RASEF: variants seen among roughly 807,000 people sequenced by gnomAD.
RASEF encodes the protein ras and EF-hand domain-containing protein.
In RASEF, 68 loss-of-function variants were observed where a neutral mutation model predicts 90.1. The ratio of observed to expected loss-of-function variants is 0.75; its 90% confidence interval spans 0.62 to 0.92. The LOEUF (loss-of-function observed/expected upper bound fraction) is 0.92, where lower values mean the gene tolerates loss of function less well. RASEF is among the 40% of genes least tolerant of loss of function. The probability of loss-of-function intolerance (pLI) is 0.00; values close to 1 mark genes in which losing one functional copy is unlikely to be tolerated. For missense variants in RASEF, 949 were observed against 937.2 expected, an observed-to-expected ratio of 1.01 and a Z score of -0.16; for synonymous variants, 331 against 345.2, an observed-to-expected ratio of 0.96 and a Z score of 0.46.
chr9:83,098,858 C>T, the RASEF span, among the ~76,000 whole-genome samples: 5 of 152,196 alleles, frequency 3.3e-5, no homozygotes, highest in Admixed American at 1.3e-4. Context: ...CATCTGGCCC[C>T]ACCCTTAACA....
In RASEF at chr9:83,025,138, T is replaced by C. The variant is rs141031862; in HGVS notation, c.578+637A>G. ...CATAGCTGTTAACACCAAAAAGATA[T>C]CCTATGTAAGCTAGCTATGGCTTAA... On this transcript the variant is annotated intron_variant, in intron 2 of 16. Coordinates refer to ENST00000376447, the MANE Select transcript of RASEF (RefSeq NM_152573.4). Among the ~76,000 whole-genome samples the C allele has an allele frequency of 1.4e-3, 214 of 152,292 alleles. 1 individual carries two copies. Among genetic ancestry groups the C allele is most frequent in the African/African-American group, 5.0e-3 (208 of 41,538 alleles).
the RASEF span, among the ~76,000 whole-genome samples, chr9:83,198,896 A>G: frequency 4.6e-5 from 7 of 152,314 alleles, no homozygotes; most frequent in Non-Finnish European, 8.8e-5. Flanking sequence ...ATAGAAAGAA[A>G]TACAAATCTT....
Position 83,022,517 on chromosome 9 carries a change from A to C in RASEF, c.579-91T>G, listed in dbSNP as rs987514207. The C allele has an allele frequency of 4.5e-6, 4 of 879,480 alleles. No homozygotes were observed. The African/African-American group carries it at 6.6e-5, about 15-fold the overall frequency. 54.5% of individuals were successfully genotyped at this position (879,480 alleles called of 1,614,324 possible). On this transcript the variant is annotated intron_variant, in intron 2 of 16. Coordinates refer to ENST00000376447, the MANE Select transcript of RASEF (RefSeq NM_152573.4). Reference sequence around the variant, plus strand: ...CAGATTCATCTACGTTAAGCCCTATATATTACAGATGAAGAGAAACACCCC... The same window carrying C: ...CAGATTCATCTACGTTAAGCCCTATCTATTACAGATGAAGAGAAACACCCC...
chr9:82,989,900 A>G (rs978209295), intron 16 of RASEF, among the ~76,000 whole-genome samples: 1 of 152,192 alleles, frequency 6.6e-6, no homozygotes, highest in Non-Finnish European at 1.5e-5. Flanking sequence ...TAATGATGCC[A>G]TTTTCATTCT....
At chr9:83,174,458 A>AT in the RASEF span, among the ~76,000 whole-genome samples, 27 of 152,294 alleles carry the variant, frequency 1.8e-4, no homozygotes, top group African/African-American at 6.0e-4. Flanking sequence ...TAATATAAAT[A>AT]TAATGGCTTA....
the RASEF span, among the ~76,000 whole-genome samples, chr9:83,121,091 T>C: frequency 6.6e-6 from 1 of 152,196 alleles, no homozygotes; most frequent in Admixed American, 6.5e-5. Flanking sequence ...ATTATATAAT[T>C]TGTAGTTATT....
chr9:83,211,299 C>A, the RASEF span, among the ~76,000 whole-genome samples: 10 of 151,840 alleles, frequency 6.6e-5, no homozygotes, highest in Non-Finnish European at 1.5e-4. Flanking sequence ...ATTTTTAGAG[C>A]ACCAATAACA....
At chr9:83,169,061 T>C in the RASEF span, among the ~76,000 whole-genome samples, 3 of 150,954 alleles carry the variant, frequency 2.0e-5, no homozygotes, top group African/African-American at 7.3e-5. Context: ...ATTTTTTTTT[T>C]AGCTCCTATG....
the RASEF span, among the ~76,000 whole-genome samples, chr9:83,128,025 C>CTTTTTTTTTTTTTT: frequency 2.2e-5 from 3 of 134,724 alleles, no homozygotes; most frequent in Non-Finnish European, 3.1e-5. Context: ...TTTTTCTTTT[C>CTTTTTTTTTTTTTT]TTTTTTTTTT....
chr9:83,042,025 G>T (rs1418092651), intron 1 of RASEF, among the ~76,000 whole-genome samples: 1 of 152,118 alleles, frequency 6.6e-6, no homozygotes, highest in African/African-American at 2.4e-5. Flanking sequence ...ATAAGGAAAA[G>T]CAATTTCAGT....
the RASEF span, among the ~76,000 whole-genome samples, chr9:83,162,711 G>A: frequency 2.0e-5 from 3 of 152,200 alleles, no homozygotes; most frequent in Admixed American, 2.0e-4. Flanking sequence ...AGAGAGGCAA[G>A]TATAGAGAGT....
chr9:82,991,617 T>C (rs1234451988), intron 15 of RASEF, among the ~76,000 whole-genome samples: 2 of 152,126 alleles, frequency 1.3e-5, no homozygotes, highest in African/African-American at 4.8e-5. Context: ...CACAAATCCA[T>C]AGAAAATCTG....
At chr9:83,217,871 T>C in the RASEF span, among the ~76,000 whole-genome samples, 3 of 152,192 alleles carry the variant, frequency 2.0e-5, no homozygotes, top group Non-Finnish European at 2.9e-5. Context: ...ATCTTAGGTG[T>C]CTGGTCCAGA....
chr9:83,133,197 C>A, the RASEF span, among the ~76,000 whole-genome samples: 27 of 152,268 alleles, frequency 1.8e-4, no homozygotes, highest in African/African-American at 6.5e-4. Context: ...AACTCCACTC[C>A]AGTGTAGCAT....
rs551065398 is a variant in RASEF, at chr9:82,999,821, C to T, written c.1723+348G>A. Among the ~76,000 whole-genome samples the T allele has an allele frequency of 3.9e-5, 6 of 152,166 alleles. No individual in the cohort carries two copies. The South Asian group carries it at 1.2e-3, about 32-fold the overall frequency. On this transcript the variant is annotated intron_variant, in intron 12 of 16. Transcript: ENST00000376447. Reference sequence around the variant, plus strand: ...GTTTCGCCATGTTGGCCAGGCTGGTCTTGAACTCCTGACCTCAAGTGATCT... The same window carrying T: ...GTTTCGCCATGTTGGCCAGGCTGGTTTTGAACTCCTGACCTCAAGTGATCT...
chr9:83,168,290 T>C, the RASEF span, among the ~76,000 whole-genome samples: 1 of 152,324 alleles, frequency 6.6e-6, no homozygotes, highest in South Asian at 2.1e-4. Flanking sequence ...TTATTGGCCA[T>C]TTGTGTGTCT....
chr9:83,111,507 C>CA, the RASEF span, among the ~76,000 whole-genome samples: 32 of 152,004 alleles, frequency 2.1e-4, no homozygotes, highest in African/African-American at 7.0e-4. Flanking sequence ...ATTCTCATCA[C>CA]AAAAAAACAA....
chr9:83,181,410 T>C, the RASEF span, among the ~76,000 whole-genome samples: 1 of 152,128 alleles, frequency 6.6e-6, no homozygotes, highest in Admixed American at 6.6e-5. Flanking sequence ...TTCAATCATA[T>C]TGAGGAAGGA....
At chr9:83,163,908 C>G in the RASEF span, among the ~76,000 whole-genome samples, 2 of 150,512 alleles carry the variant, frequency 1.3e-5, no homozygotes, top group African/African-American at 4.9e-5. Context: ...AAAATTACAC[C>G]TAGATATATC....
Sources: gnomAD v4.1 joint callset for allele counts (sites outside exome capture counted in the v4.1 genomes callset) on GRCh38, gnomAD v4.1.1 for gene constraint, MANE v1.5 for transcripts, NCBI Gene and HGNC (gene_info 2026-07-23, HGNC 2026-07-21) for gene names.